The following NELL2 variants were observed in gnomAD, a reference collection of about 807,000 sequenced individuals.
NELL2 encodes protein kinase C-binding protein NELL2.
NELL2 carries 41 observed loss-of-function variants against 109.6 expected under a neutral mutation model. The observed-to-expected ratio is 0.37, with a 90% CI of 0.29 to 0.49. The LOEUF (loss-of-function observed/expected upper bound fraction) is 0.49, where lower values mean the gene tolerates loss of function less well. Among genes scored for constraint, NELL2 ranks in the 20% least tolerant of loss-of-function variants. The probability of loss-of-function intolerance (pLI) is 0.98; values close to 1 mark genes in which losing one functional copy is unlikely to be tolerated. For missense variants in NELL2, 900 were observed against 1,008.3 expected (o/e 0.89, Z 1.45); for synonymous variants, 355 against 344.7 (o/e 1.03, Z -0.33).
intron 2 of NELL2, among the ~76,000 whole-genome samples, chr12:44,818,471 G>A (rs1355024806): frequency 6.6e-6 from 1 of 152,182 alleles, no homozygotes; most frequent in African/African-American, 2.4e-5. Context: ...CACAAATGAT[G>A]CTCAGATCCG....
rs4272837 is a variant in NELL2 at position 44,834,644 on chromosome 12, G to T, written c.185-18508C>A. ...AGGCCACTGCCCTGCAAGAGGTCAG[G>T]CCCCTGCCTGCCCTACTCGAAGTGT... On this transcript the variant is annotated intron_variant, in intron 2 of 19. Transcript: ENST00000429094. 4.9e-3 allele frequency among the ~76,000 whole-genome samples: 739 copies of T among 152,176 alleles called. 6 individuals are homozygous for T. Among genetic ancestry groups the T allele is most frequent in the African/African-American group, 0.017 (697 of 41,546 alleles).
At position 44,792,255 on chromosome 12, in the gene NELL2, T is replaced by C. The variant is rs143181280; in HGVS notation, c.336-12233A>G. 1.1e-4 allele frequency among the ~76,000 whole-genome samples: 17 copies of C among 152,204 alleles called. No homozygotes were observed. In the East Asian group the frequency reaches 1.4e-3, roughly 12 times the overall value. On this transcript the variant is annotated intron_variant, in intron 3 of 19. Coordinates refer to ENST00000429094, the MANE Select transcript of NELL2 (RefSeq NM_001145108.2). ...GGGAGAAAGCTGGCTTGAAGAAGGT[T>C]CAAGAGAGAATGGCAAAGAGAAGAA...
chr12:44,833,623 C>A (rs1943955438), intron 2 of NELL2, among the ~76,000 whole-genome samples: 1 of 152,110 alleles, frequency 6.6e-6, no homozygotes, highest in Non-Finnish European at 1.5e-5. Flanking sequence ...TTTTCTTTTC[C>A]AAGGCTTGGA....
At chr12:44,826,676 C>T (rs1943720423) in intron 2 of NELL2, among the ~76,000 whole-genome samples, 1 of 152,166 alleles carries the variant, frequency 6.6e-6, no homozygotes, top group African/African-American at 2.4e-5. Flanking sequence ...AGCCAAGACA[C>T]TTGGGTCATC....
At chr12:44,865,987 G>C (rs544789870) in intron 2 of NELL2, among the ~76,000 whole-genome samples, 44 of 152,070 alleles carry the variant, frequency 2.9e-4, no homozygotes, top group Non-Finnish European at 5.9e-4. Context: ...GGGGCCTTTT[G>C]GAAAGTCATG....
chr12:44,686,003 C>T (rs1220196316), intron 12 of NELL2, among the ~76,000 whole-genome samples: 1 of 152,170 alleles, frequency 6.6e-6, no homozygotes, highest in Non-Finnish European at 1.5e-5. Flanking sequence ...TAATATCCTG[C>T]AGAGTGTTTT....
chr12:44,661,213 T>A (rs1947730470), intron 13 of NELL2, among the ~76,000 whole-genome samples: 1 of 152,146 alleles, frequency 6.6e-6, no homozygotes, highest in African/African-American at 2.4e-5. Flanking sequence ...AGGCAGCCCA[T>A]CCTAAGGGAA....
In NELL2 at chr12:44,875,277, TC is replaced by T; in HGVS notation, c.131del (p.Gly44GlufsTer24). 1 of 1,614,084 alleles carries T rather than the reference TC, an allele frequency of 6.2e-7. No homozygotes were observed. Among genetic ancestry groups the T allele is most frequent in the Non-Finnish European group, 8.5e-7 (1 of 1,180,012 alleles). ...TELELGESTTGVRQVPGLHNG... is the reference protein window; with the variant it reads ...TELELGESTTXVRQVPGLHNG... ...TATGCAGCCCCGGGACCTGACGCAC[TC>T]CGGTCGTGGACTCCCCAAGTTCTAA... On this transcript the variant is annotated frameshift_variant, in exon 2 of 20. Transcript: ENST00000429094. LOFTEE classifies it high-confidence loss of function.
chr12:44,645,640 C>T (rs1465829690), intron 13 of NELL2, among the ~76,000 whole-genome samples: 3 of 152,156 alleles, frequency 2.0e-5, no homozygotes, highest in Non-Finnish European at 2.9e-5. Flanking sequence ...AATAGAATTT[C>T]ATATTATCTA....
upstream of NELL2, chr12:44,880,928 T>C (rs530453898): frequency 2.0e-5 from 3 of 152,092 alleles, no homozygotes; most frequent in African/African-American, 7.3e-5. Flanking sequence ...TGTAATTGGT[T>C]GTGACCAATT....
intron 2 of NELL2, 95 bp downstream of exon 2, chr12:44,875,130 T>C: frequency 2.0e-6 from 3 of 1,476,710 alleles, no homozygotes; most frequent in Non-Finnish European, 2.7e-6. Flanking sequence ...CTGTCATCCA[T>C]GAGGCAATAC....
rs147656503 is a variant in NELL2 at position 44,630,916 on chromosome 12, A to G, written c.1445-19946T>C. ...TCACTGACTCAAGAATATGGTACTC[A>G]TTCCATGTCAACTTCATTTGTGTTG... On this transcript the variant is annotated intron_variant, in intron 13 of 19. Coordinates refer to ENST00000429094, the MANE Select transcript of NELL2 (RefSeq NM_001145108.2). Among the ~76,000 whole-genome samples the G allele has an allele frequency of 7.0e-3, 1,068 of 152,182 alleles. 18 individuals are homozygous for G. Among genetic ancestry groups the G allele is most frequent in the African/African-American group, 0.024 (999 of 41,540 alleles).
intron 9 of NELL2, among the ~76,000 whole-genome samples, chr12:44,735,893 T>C (rs1035343832): frequency 3.3e-5 from 5 of 151,912 alleles, no homozygotes; most frequent in Non-Finnish European, 7.4e-5. Flanking sequence ...TTTTAATTAA[T>C]TGAAAATAGA....
At chr12:44,896,614 A>G (rs931409297) in intron 1 of NELL2, among the ~76,000 whole-genome samples, 1 of 152,204 alleles carries the variant, frequency 6.6e-6, no homozygotes, top group Non-Finnish European at 1.5e-5. Context: ...GCAATATGTA[A>G]TTGATTTTAT....
At chr12:44,640,033 G>T (rs917489572) in intron 13 of NELL2, among the ~76,000 whole-genome samples, 4 of 151,952 alleles carry the variant, frequency 2.6e-5, no homozygotes, top group Non-Finnish European at 5.9e-5. Flanking sequence ...TTTCTCTAAT[G>T]TATATCTAAT....
intron 12 of NELL2, 62 bp from the exon 13 acceptor site, chr12:44,665,671 T>C (rs1947901067): frequency 2.7e-6 from 4 of 1,486,164 alleles, no homozygotes; most frequent in South Asian, 1.5e-5. Context: ...TCCTATATAA[T>C]TTTCTTTGGT....
rs570413695 is a variant in NELL2, at chr12:44,684,238, T to A, written c.1319-18629A>T. On this transcript the variant is annotated intron_variant, in intron 12 of 19. Coordinates refer to ENST00000429094, the MANE Select transcript of NELL2 (RefSeq NM_001145108.2). ...TTTGTAGTATTCTCTGATGGTAGTT[T>A]GTATTTCTGTGGGATTGGTGGTGAT... 7.0e-4 allele frequency among the ~76,000 whole-genome samples: 107 copies of A among 152,368 alleles called. 1 individual carries two copies. Among genetic ancestry groups the A allele is most frequent in the Non-Finnish European group, 1.4e-3 (96 of 68,038 alleles).
intron 2 of NELL2, among the ~76,000 whole-genome samples, chr12:44,824,280 C>T (rs1261787198): frequency 6.6e-6 from 1 of 152,186 alleles, no homozygotes; most frequent in African/African-American, 2.4e-5. Flanking sequence ...GGTGCAATCT[C>T]ATTTGCCTCT....
intron 15 of NELL2, among the ~76,000 whole-genome samples, chr12:44,605,966 A>G (rs1001678009): frequency 1.3e-5 from 2 of 152,104 alleles, no homozygotes; most frequent in African/African-American, 4.8e-5. Context: ...TGTATTTCTA[A>G]CAAGTTATCA....
Sources: allele counts gnomAD v4.1 joint callset (sites outside exome capture counted in the v4.1 genomes callset), GRCh38; gene constraint gnomAD v4.1.1; transcripts MANE v1.5; gene names NCBI Gene and HGNC (gene_info 2026-07-23, HGNC 2026-07-21).